Variants in MTA3 observed in about 807,000 individuals in gnomAD.
MTA3 encodes the protein metastasis associated 1 family member 3.
MTA3 carries 34 observed loss-of-function variants against 83.5 expected under a neutral mutation model. The observed-to-expected ratio is 0.41, with a 90% CI of 0.31 to 0.54. MTA3 has a LOEUF of 0.54. MTA3 is among the 20% of genes least tolerant of loss of function. The probability of loss-of-function intolerance (pLI) is 0.33; values close to 1 mark genes in which losing one functional copy is unlikely to be tolerated. For synonymous variants in MTA3, 303 were observed against 252.7 expected, an observed-to-expected ratio of 1.20 and a Z score of -1.89; for missense variants, 761 against 726.4, an observed-to-expected ratio of 1.05 and a Z score of -0.55.
chr2:42,517,338 G>A lies in MTA3; in HGVS notation c.-141+22084G>A, dbSNP rs113942241. Among the ~76,000 whole-genome samples, 262 of 152,094 alleles carry A rather than the reference G, an allele frequency of 1.7e-3. 1 individual carries two copies. Among genetic ancestry groups the A allele is most frequent in the African/African-American group, 6.1e-3 (252 of 41,496 alleles). On this transcript the variant is annotated intron_variant, in intron 2 of 17. Transcript: ENST00000405592. The stretch of plus-strand genomic sequence containing the variant: ...CCTAATCCCAGCACTTTGGGAGGCC[G>A]AGGCAGGTGCATCACCTGAGGTCAG...
intron 2 of MTA3, among the ~76,000 whole-genome samples, chr2:42,496,122 C>G (rs1245167708): frequency 6.6e-6 from 1 of 152,168 alleles, no homozygotes; most frequent in East Asian, 1.9e-4. Context: ...CCGTAGAATC[C>G]TTCTACTGTC....
At position 42,507,231 on chromosome 2, in the gene MTA3, G is replaced by T. The variant is rs1674674338; in HGVS notation, c.-141+11977G>T. Among the ~76,000 whole-genome samples the T allele has an allele frequency of 3.3e-5, 5 of 152,022 alleles. No individual in the cohort carries two copies. In the South Asian group the frequency reaches 1.0e-3, roughly 31 times the overall value. ...TTGTCTCCCAGGCTGTAGTAGAGTGGCACAATCACAGCTCACTGTGGCCTT... is the reference window on the plus strand; with the variant it reads ...TTGTCTCCCAGGCTGTAGTAGAGTGTCACAATCACAGCTCACTGTGGCCTT... On this transcript the variant is annotated intron_variant, in intron 2 of 17. Transcript: ENST00000405592.
intron 3 of MTA3, among the ~76,000 whole-genome samples, chr2:42,599,740 TTTTG>T (rs1682318582): frequency 1.3e-5 from 2 of 152,342 alleles, no homozygotes; most frequent in Admixed American, 1.3e-4. Context: ...TATTTCCTGT[TTTTG>T]TTTAATTCTT....
chr2:42,722,825 A>G (rs1297498261), intron 15 of MTA3, 64 bp from the exon 16 acceptor site: 15 of 1,522,496 alleles, frequency 9.9e-6, no homozygotes, highest in South Asian at 4.9e-5. Context: ...CTATTAGCCA[A>G]TGTAAATGCA....
At chr2:42,594,723 TATATA>T (rs1487295807) in intron 3 of MTA3, among the ~76,000 whole-genome samples, 4 of 42,136 alleles carry the variant, frequency 9.5e-5, no homozygotes, top group African/African-American at 6.6e-4. Context: ...TATATATATA[TATATA>T]TTTTTTTTTT....
intron 16 of MTA3, chr2:42,752,448 A>G (rs2104609939): frequency 5.7e-6 from 2 of 352,194 alleles, no homozygotes; most frequent in South Asian, 4.2e-5. Context: ...AGCTTTCACA[A>G]CTTTCTAATA....
In MTA3 at chr2:42,705,092, G is replaced by C. The variant is rs1573692965; in HGVS notation, c.1150+774G>C. 2.0e-5 allele frequency among the ~76,000 whole-genome samples: 3 copies of C among 152,276 alleles called. No homozygotes were observed. The East Asian group carries it at 5.8e-4, about 29-fold the overall frequency. On this transcript the variant is annotated intron_variant, in intron 12 of 16. Transcript: ENST00000405094. Reference sequence around the variant, plus strand: ...TAGTAGCTCTTTGAGAGTACATGTAGCCTACTGCCTTCAGGAAGGATATAG... The same window carrying C: ...TAGTAGCTCTTTGAGAGTACATGTACCCTACTGCCTTCAGGAAGGATATAG...
chr2:42,674,915 C>CTT (rs1297946154), intron 8 of MTA3, among the ~76,000 whole-genome samples: 1 of 146,270 alleles, frequency 6.8e-6, no homozygotes, highest in African/African-American at 2.5e-5. Context: ...TTCTTTCTTT[C>CTT]TTTTTTTTTT....
chr2:42,525,623 CTACT>C lies in MTA3; in HGVS notation c.-141+30371_-141+30374del, dbSNP rs1290622420. 6.8e-3 allele frequency among the ~76,000 whole-genome samples: 941 copies of C among 138,840 alleles called. 11 individuals carry two copies. Among genetic ancestry groups the C allele is most frequent in the Middle Eastern group, 0.023 (6 of 258 alleles). 91.1% of individuals were successfully genotyped at this position (138,840 alleles called of 152,430 possible). On this transcript the variant is annotated intron_variant, in intron 2 of 17. Transcript: ENST00000405592. ...CTTCCTTTCCTTCCTTCCTTCCTTC[CTACT>C]TTCTTTCTTTCTTTCTTTCTTTTTT...
At chr2:42,626,825 C>G (rs1410876202) in intron 4 of MTA3, among the ~76,000 whole-genome samples, 1 of 152,114 alleles carries the variant, frequency 6.6e-6, no homozygotes, top group African/African-American at 2.4e-5. Flanking sequence ...ACTGTAACCT[C>G]TGTCTCCCAG....
At position 42,524,401 on chromosome 2, in the gene MTA3, C is replaced by CG. The variant is rs202218463; in HGVS notation, c.-141+29148dup. On this transcript the variant is annotated intron_variant, in intron 2 of 17. Transcript: ENST00000405592. ...CTGCAAGCTCCGCCTCCTGGGTTCA[C>CG]GCCATTCTCCTGCCTCAGCCTCTCG... Among the ~76,000 whole-genome samples, 204 of 151,328 alleles carry CG rather than the reference C, an allele frequency of 1.3e-3. 4 individuals carry two copies. The East Asian group carries it at 0.031, about 23-fold the overall frequency.
chr2:42,701,605 GA>G (rs1351148147), intron 11 of MTA3, among the ~76,000 whole-genome samples: 2 of 151,690 alleles, frequency 1.3e-5, no homozygotes, highest in Non-Finnish European at 2.9e-5. Context: ...TCAAAAAAAA[GA>G]AAAATGTCTT....
At chr2:42,697,280 C>T (rs1573659756) in intron 10 of MTA3, among the ~76,000 whole-genome samples, 2 of 152,160 alleles carry the variant, frequency 1.3e-5, no homozygotes, top group South Asian at 4.1e-4. Context: ...TATCTCCCAA[C>T]ATTTGAGAAT....
chr2:42,611,341 C>CACACACACACACACACACACACACA (rs1462110821), intron 4 of MTA3, among the ~76,000 whole-genome samples: 1 of 149,514 alleles, frequency 6.7e-6, no homozygotes, highest in Non-Finnish European at 1.5e-5. Context: ...ACACACACAC[C>CACACACACACACACACACACACACA]CCCTCACACA....
intron 4 of MTA3, among the ~76,000 whole-genome samples, chr2:42,613,167 C>T (rs1284935154): frequency 6.6e-6 from 1 of 152,106 alleles, no homozygotes. Context: ...TCTACATGAT[C>T]GTTTAGTTAC....
chr2:42,525,613 T>TCCTC (rs1675665720), intron 2 of MTA3, among the ~76,000 whole-genome samples: 1 of 142,576 alleles, frequency 7.0e-6, no homozygotes. Context: ...TTTCCTTCCT[T>TCCTC]CCTTCCTTCC....
At chr2:42,697,330 T>A (rs1262227854) in intron 10 of MTA3, among the ~76,000 whole-genome samples, 1 of 152,316 alleles carries the variant, frequency 6.6e-6, no homozygotes, top group African/African-American at 2.4e-5. Context: ...CCACAGTCAC[T>A]CCTCTTGCCT....
chr2:42,659,369 C>A (rs1479593814), intron 7 of MTA3, among the ~76,000 whole-genome samples: 16 of 152,146 alleles, frequency 1.1e-4, no homozygotes, highest in African/African-American at 3.4e-4. Context: ...CTGAGTTTTA[C>A]AATTTGGGCT....
chr2:42,498,741 G>A (rs1405479316), intron 2 of MTA3, among the ~76,000 whole-genome samples: 1 of 152,186 alleles, frequency 6.6e-6, no homozygotes, highest in Non-Finnish European at 1.5e-5. Flanking sequence ...CAGCTCATCA[G>A]AAAAGAATGT....
Sources: gnomAD v4.1 joint callset for allele counts (sites outside exome capture counted in the v4.1 genomes callset) on GRCh38, gnomAD v4.1.1 for gene constraint, MANE v1.5 for transcripts, NCBI Gene and HGNC (gene_info 2026-07-23, HGNC 2026-07-21) for gene names.